The following ROR2 variants were observed in gnomAD, a reference collection of about 807,000 sequenced individuals.
ROR2 encodes the protein tyrosine-protein kinase transmembrane receptor ROR2.
Under a neutral mutation model 74.9 loss-of-function variants are expected in ROR2, and 33 were observed. The observed-to-expected ratio is 0.44, with a 90% confidence interval of 0.33 to 0.59. ROR2 has a LOEUF of 0.59. Ranked by LOEUF, ROR2 falls within the 20% of genes least tolerant of loss-of-function variation. The pLI is 0.02. For synonymous variants in ROR2, 586 were observed against 558.7 expected, an observed-to-expected ratio of 1.05 and a Z score of -0.69; for missense variants, 1,216 against 1,313.8, an observed-to-expected ratio of 0.93 and a Z score of 1.15.
intron 1 of ROR2, among the ~76,000 whole-genome samples, chr9:91,852,009 C>T (rs1442464534): frequency 6.6e-6 from 1 of 151,232 alleles, no homozygotes; most frequent in African/African-American, 2.4e-5. Flanking sequence ...GTTTTCTTCT[C>T]CAGTTAGTCT....
At chr9:91,769,195 C>T (rs541564562) in intron 2 of ROR2, among the ~76,000 whole-genome samples, 1 of 152,216 alleles carries the variant, frequency 6.6e-6, no homozygotes, top group East Asian at 1.9e-4. Flanking sequence ...CATCCTGGAG[C>T]TTCTCTTTGC....
chr9:91,856,827 T>C (rs1829305872), intron 1 of ROR2, among the ~76,000 whole-genome samples: 3 of 152,342 alleles, frequency 2.0e-5, no homozygotes, highest in Admixed American at 2.0e-4. Context: ...ACTGGGATGC[T>C]TGCTGTGCTG....
intron 1 of ROR2, among the ~76,000 whole-genome samples, chr9:91,829,271 G>C (rs775833025): frequency 5.3e-5 from 8 of 152,086 alleles, no homozygotes; most frequent in Admixed American, 5.2e-4. Flanking sequence ...GGCTGGGCAC[G>C]GTGGCTCACG....
rs148793849 is a variant in ROR2, at chr9:91,930,787, C to T, written c.97+19080G>A. 6.6e-3 allele frequency among the ~76,000 whole-genome samples: 1,007 copies of T among 152,286 alleles called. 2 individuals are homozygous for T. The highest frequency in any genetic ancestry group is 0.01 in the Non-Finnish European group (702 of 68,030). ...AAAAACAGAATACAGCAAACAGAAACACATGGATTCAAACGTTTAATGGAT... is the reference window on the plus strand; with the variant it reads ...AAAAACAGAATACAGCAAACAGAAATACATGGATTCAAACGTTTAATGGAT... On this transcript the variant is annotated intron_variant, in intron 1 of 8. Transcript: ENST00000375708.
intron 1 of ROR2, among the ~76,000 whole-genome samples, chr9:91,841,359 A>C (rs1369515355): frequency 6.6e-6 from 1 of 152,186 alleles, no homozygotes; most frequent in Admixed American, 6.5e-5. Context: ...CAACACTTTA[A>C]ATGCTCCTCT....
At chr9:91,840,786 G>A (rs559932911) in intron 1 of ROR2, among the ~76,000 whole-genome samples, 1 of 152,316 alleles carries the variant, frequency 6.6e-6, no homozygotes, top group South Asian at 2.1e-4. Context: ...AATCCCCTCT[G>A]CGTGTCCAAA....
chr9:91,768,794 A>G (rs1023554260), intron 2 of ROR2, among the ~76,000 whole-genome samples: 1 of 152,200 alleles, frequency 6.6e-6, no homozygotes, highest in African/African-American at 2.4e-5. Context: ...CCAACGGTGC[A>G]CACTTTGAAA....
intron 7 of ROR2, among the ~76,000 whole-genome samples, chr9:91,730,149 C>T (rs1664992735): frequency 6.6e-6 from 1 of 152,218 alleles, no homozygotes; most frequent in East Asian, 1.9e-4. Flanking sequence ...TGCCATGTTG[C>T]TCAGACTGGT....
chr9:91,862,004 C>G (rs1829482661), intron 1 of ROR2, among the ~76,000 whole-genome samples: 2 of 152,034 alleles, frequency 1.3e-5, no homozygotes, highest in Non-Finnish European at 2.9e-5. Flanking sequence ...GGTGGGGCCC[C>G]CATGATGAGA....
chr9:91,764,788 C>T (rs1332958938), intron 2 of ROR2, among the ~76,000 whole-genome samples: 1 of 152,166 alleles, frequency 6.6e-6, no homozygotes, highest in Admixed American at 6.5e-5. Flanking sequence ...ACTAAGGCTG[C>T]AAACACTCTT....
At chr9:91,895,755 A>G (rs1323615501) in intron 1 of ROR2, among the ~76,000 whole-genome samples, 2 of 152,212 alleles carry the variant, frequency 1.3e-5, no homozygotes, top group African/African-American at 2.4e-5. Flanking sequence ...ACACGGGAGA[A>G]TTCGCTTGAA....
intron 1 of ROR2, among the ~76,000 whole-genome samples, chr9:91,846,765 G>C (rs1464069856): frequency 1.3e-5 from 2 of 152,014 alleles, no homozygotes; most frequent in African/African-American, 2.4e-5. Context: ...CCTGAACCTT[G>C]TTTGAACTCC....
chr9:91,890,295 A>T (rs1315627624), intron 1 of ROR2, among the ~76,000 whole-genome samples: 2 of 152,154 alleles, frequency 1.3e-5, no homozygotes, highest in Non-Finnish European at 2.9e-5. Context: ...TCAAGCAGGG[A>T]AACGCTAACT....
At chr9:91,906,712 T>C (rs1029401050) in intron 1 of ROR2, among the ~76,000 whole-genome samples, 5 of 152,178 alleles carry the variant, frequency 3.3e-5, no homozygotes, top group Admixed American at 6.5e-5. Context: ...CTATTAATCT[T>C]TTTCATTATA....
chr9:91,737,677 C>T (rs1315342368), intron 4 of ROR2, among the ~76,000 whole-genome samples, 159 bp from the exon 5 acceptor site: 1 of 152,094 alleles, frequency 6.6e-6, no homozygotes, highest in African/African-American at 2.4e-5. Flanking sequence ...ACACAAAAAC[C>T]TGTATGTAAA....
In ROR2 at chr9:91,723,819, T is replaced by C; in HGVS notation, c.2675A>G (p.Glu892Gly). ...GGCGTTCTGTGTGTCATCAGCGCCC[T>C]CTGAGAGCAGGGCTGCCCTGTCTGC... The part of the protein sequence containing the change: ...SMADRAALLS[E>G]GADDTQNAPE... Residue 892 changes from glutamate to glycine, a missense_variant, in exon 9 of 9, where the codon GAG becomes GGG. By Grantham distance (98) the Glu-to-Gly change is moderately conservative. Transcript: ENST00000375708. 6.2e-7 allele frequency: 1 copy of C among 1,613,902 alleles called. No individual in the cohort carries two copies. Among genetic ancestry groups the C allele is most frequent in the Non-Finnish European group, 8.5e-7 (1 of 1,180,016 alleles).
intron 1 of ROR2, among the ~76,000 whole-genome samples, chr9:91,930,895 A>T (rs1397152451): frequency 6.6e-6 from 1 of 152,240 alleles, no homozygotes; most frequent in Non-Finnish European, 1.5e-5. Flanking sequence ...GCTGGTCATT[A>T]TCAGAGCATG....
chr9:91,809,252 A>G (rs527815954), intron 1 of ROR2, among the ~76,000 whole-genome samples: 1 of 152,302 alleles, frequency 6.6e-6, no homozygotes, highest in East Asian at 1.9e-4. Context: ...AAAAGGATAC[A>G]TGCAGATAAT....
chr9:91,896,320 G>C (rs533465852), intron 1 of ROR2, among the ~76,000 whole-genome samples: 10 of 152,238 alleles, frequency 6.6e-5, no homozygotes, highest in Admixed American at 1.3e-4. Context: ...ATGCAATCTT[G>C]GTTCCCCCGC....
Sources: gnomAD v4.1 joint callset for allele counts (sites outside exome capture counted in the v4.1 genomes callset) on GRCh38, gnomAD v4.1.1 for gene constraint, MANE v1.5 for transcripts, NCBI Gene and HGNC (gene_info 2026-07-23, HGNC 2026-07-21) for gene names.